Variants in CEP164 observed in about 807,000 individuals in gnomAD.
CEP164 encodes centrosomal protein 164, also known as centrosomal protein of 164 kDa.
A neutral mutation model predicts 182.7 loss-of-function variants in CEP164; 162 were observed. The ratio of observed to expected loss-of-function variants is 0.89; its 90% CI spans 0.78 to 1.01. The LOEUF is 1.01. Among genes scored for constraint, CEP164 ranks in the 50% least tolerant of loss-of-function variants. The probability of loss-of-function intolerance (pLI) is 0.00; values close to 1 mark genes in which losing one functional copy is unlikely to be tolerated. For synonymous variants in CEP164, 661 were observed against 690.0 expected (o/e 0.96, Z 0.66); for missense variants, 1,735 against 1,790.4 (o/e 0.97, Z 0.56).
At chr11:117,323,864 A>G (rs1266993091), upstream of CEP164, 1 of 418,370 alleles carries the variant, frequency 2.4e-6, no homozygotes. Context: ...ACATTTTTTC[A>G]CGTACCTGTT....
chr11:117,352,774 T>C (rs554934094), intron 5 of CEP164, among the ~76,000 whole-genome samples: 3 of 152,008 alleles, frequency 2.0e-5, no homozygotes, highest in African/African-American at 7.2e-5. Flanking sequence ...TTTAGTAGAG[T>C]TGGGGTTTCA....
chr11:117,368,993 A>T (rs192053834), intron 8 of CEP164, among the ~76,000 whole-genome samples: 160 of 152,242 alleles, frequency 1.1e-3, no homozygotes, highest in Non-Finnish European at 1.7e-3. Flanking sequence ...CAGTATCACC[A>T]CTGTGTCTAG....
chr11:117,374,093 T>C (rs1237754106), intron 10 of CEP164, among the ~76,000 whole-genome samples: 2 of 152,008 alleles, frequency 1.3e-5, no homozygotes, highest in Non-Finnish European at 2.9e-5. Flanking sequence ...ATATATATAA[T>C]AACATTAAAA....
In CEP164 at chr11:117,349,183, C is replaced by G. The variant is rs529691295; in HGVS notation, c.195-2607C>G. 2.5e-3 allele frequency among the ~76,000 whole-genome samples: 382 copies of G among 151,932 alleles called. 3 individuals are homozygous for G. Among genetic ancestry groups the G allele is most frequent in the African/African-American group, 8.9e-3 (367 of 41,432 alleles). ...GATTACAGGCACGTGCCACCATGCC[C>G]GGGTAATTTTTGTATTTTTAGTAGA... is the stretch of plus-strand genomic sequence containing the variant. On this transcript the variant is annotated intron_variant, in intron 4 of 32. Coordinates refer to ENST00000278935, the MANE Select transcript of CEP164 (RefSeq NM_014956.5).
At position 117,395,373 on chromosome 11, in the gene CEP164, A is replaced by G. The variant is rs112195020; in HGVS notation, c.2914-174A>G. Among the ~76,000 whole-genome samples, 40 of 152,212 alleles carry G rather than the reference A, an allele frequency of 2.6e-4. 1 individual carries two copies. Among genetic ancestry groups the G allele is most frequent in the African/African-American group, 9.2e-4 (38 of 41,512 alleles). ...CACTTGGGAACCTCAAGGGAGTGGGACTGTGGTAGGACAGGAGCCTGCAGA... is the reference window on the plus strand; with the variant it reads ...CACTTGGGAACCTCAAGGGAGTGGGGCTGTGGTAGGACAGGAGCCTGCAGA... On this transcript the variant is annotated intron_variant, in intron 23 of 32. Coordinates refer to ENST00000278935, the MANE Select transcript of CEP164 (RefSeq NM_014956.5).
At chr11:117,396,204 G>T in intron 25 of CEP164, 24 bp downstream of exon 25, 2 of 1,599,606 alleles carry the variant, frequency 1.3e-6, no homozygotes, top group Non-Finnish European at 1.7e-6. Context: ...TGGGGCCTGG[G>T]GGCTGGGGCA....
At chr11:117,371,641 G>A (rs942560087) in intron 9 of CEP164, among the ~76,000 whole-genome samples, 175 bp downstream of exon 9, 1 of 152,270 alleles carries the variant, frequency 6.6e-6, no homozygotes, top group Admixed American at 6.5e-5. Flanking sequence ...AATATGCCCA[G>A]ACCCAGCAGG....
At chr11:117,401,762 A>G (rs1424345376) in intron 27 of CEP164, among the ~76,000 whole-genome samples, 1 of 152,122 alleles carries the variant, frequency 6.6e-6, no homozygotes, top group Non-Finnish European at 1.5e-5. Context: ...GTTTATTTGC[A>G]TACAAGTGTG....
Position 117,381,708 on chromosome 11 carries a change from C to T in CEP164, c.1417C>T (p.Pro473Ser), listed in dbSNP as rs1481684034. ...TCTGCCCGGCCTGACCAGGTTATCT[C>T]CTCCACTTCCACACGAGGAGCGGGC... ...QSKGLEERLS[P>S]PLPHEERAQS... Residue 473 changes from proline to serine, a missense_variant, in exon 13 of 33, where the codon CCT (proline) becomes TCT (serine). Coordinates refer to ENST00000278935, the MANE Select transcript of CEP164 (RefSeq NM_014956.5). 4 of 1,609,036 alleles carry T rather than the reference C, an allele frequency of 2.5e-6. No individual in the cohort carries two copies. The African/African-American group carries it at 5.3e-5, about 22-fold the overall frequency.
At chr11:117,363,542 C>A in intron 8 of CEP164, 36 bp downstream of exon 8, 1 of 1,421,104 alleles carries the variant, frequency 7.0e-7, no homozygotes, top group Non-Finnish European at 9.9e-7. Context: ...CATGTGTCAG[C>A]CTGGCATATC....
chr11:117,412,435 G>T lies in CEP164; in HGVS notation c.*267G>T. 2.9e-6 allele frequency: 1 copy of T among 342,032 alleles called. No homozygotes were observed. The highest frequency in any genetic ancestry group is 5.4e-6 in the Non-Finnish European group (1 of 183,716). The allele number at this position is 342,032 out of a possible 1,614,324, so 21.2% of individuals were successfully genotyped here. ...GGCGTGCGGTGGCTGCGGGGTATCA[G>T]GGCCGGGAGCCCTTTGGGAGGAAGG... On this transcript the variant is annotated 3_prime_UTR_variant, in exon 33 of 33. Transcript: ENST00000278935.
chr11:117,361,938 G>A lies in CEP164; in HGVS notation c.497G>A (p.Ser166Asn), dbSNP rs1400180353. Residue 166 changes from serine to asparagine, a missense_variant, in exon 6 of 33, where the codon AGC (serine) becomes AAC (asparagine). Coordinates refer to ENST00000278935, the MANE Select transcript of CEP164 (RefSeq NM_014956.5). ...TPPSALRGSQ[S>N]VSLGSSVESG... ...CCCTCTGCTCTTCGTGGATCTCAAA[G>A]CGTGAGCCTGGGGAGCTCAGTGGAG... The A allele has an allele frequency of 6.2e-7, 1 of 1,610,004 alleles. No homozygotes were observed.
At chr11:117,349,565 A>G (rs1324572508) in intron 4 of CEP164, among the ~76,000 whole-genome samples, 3 of 152,142 alleles carry the variant, frequency 2.0e-5, no homozygotes, top group Non-Finnish European at 2.9e-5. Context: ...AGCTCACTGC[A>G]GCCTCGAACA....
In CEP164 at chr11:117,392,552, G is replaced by A. The variant is rs759540777; in HGVS notation, c.2418G>A (p.Gln806=). 6.2e-7 allele frequency: 1 copy of A among 1,614,194 alleles called. No individual in the cohort carries two copies. The highest frequency in any genetic ancestry group is 2.2e-5 in the East Asian group (1 of 44,880). ...IQEAQQKEEA[Q]LQKCLGQVEH... is the part of the protein sequence containing the mutation. ...AAGCTCAACAGAAAGAGGAGGCCCAGCTGCAGAAGTGCCTTGGGCAAGTGG... is the reference window on the plus strand; with the variant it reads ...AAGCTCAACAGAAAGAGGAGGCCCAACTGCAGAAGTGCCTTGGGCAAGTGG... Residue 806 remains glutamine, a synonymous_variant, in exon 19 of 33, where the codon CAG becomes CAA. Coordinates refer to ENST00000278935, the MANE Select transcript of CEP164 (RefSeq NM_014956.5).
chr11:117,351,739 C>CTTCTTTT, intron 4 of CEP164, 51 bp from the exon 5 acceptor site: 1 of 1,322,394 alleles, frequency 7.6e-7, no homozygotes, highest in Non-Finnish European at 1.0e-6. Flanking sequence ...TTTTTTTTTT[C>CTTCTTTT]TTCTTTTGTA....
At chr11:117,388,462 A>G (rs1359616163) in intron 15 of CEP164, among the ~76,000 whole-genome samples, 2 of 152,174 alleles carry the variant, frequency 1.3e-5, no homozygotes, top group Non-Finnish European at 2.9e-5. Context: ...CATCACCAGA[A>G]CCTGTTTCTG....
chr11:117,329,492 C>A (rs2035851235), intron 1 of CEP164, among the ~76,000 whole-genome samples: 1 of 152,208 alleles, frequency 6.6e-6, no homozygotes, highest in Non-Finnish European at 1.5e-5. Context: ...TGGATACTTA[C>A]ATATTCTGCT....
At chr11:117,325,252 T>C (rs1258344078), upstream of CEP164, among the ~76,000 whole-genome samples, 1 of 143,662 alleles carries the variant, frequency 7.0e-6, no homozygotes, top group Non-Finnish European at 1.5e-5. Context: ...GCCCAGTGAA[T>C]TTTTGTGTTT....
chr11:117,358,540 C>CTTT lies in CEP164; in HGVS notation c.394-3279_394-3277dup, dbSNP rs71961009. 6.6e-3 allele frequency among the ~76,000 whole-genome samples: 846 copies of CTTT among 129,102 alleles called. 21 individuals carry two copies. The highest frequency in any genetic ancestry group is 0.021 in the African/African-American group (715 of 34,464). 84.7% of individuals were successfully genotyped at this position (129,102 alleles called of 152,430 possible). The stretch of plus-strand genomic sequence containing the variant: ...TCTTGGGCTCTTCCCCTCCCCCGGC[C>CTTT]TTTTTTTTTTTTTTTTTTAAGAGAC... On this transcript the variant is annotated intron_variant, in intron 5 of 32. Transcript: ENST00000278935.
Sources: gnomAD v4.1 joint callset for allele counts (sites outside exome capture counted in the v4.1 genomes callset) on GRCh38, gnomAD v4.1.1 for gene constraint, MANE v1.5 for transcripts, NCBI Gene and HGNC (gene_info 2026-07-23, HGNC 2026-07-21) for gene names.